Variants in ATP11A observed in about 807,000 individuals in gnomAD.
ATP11A encodes phospholipid-transporting ATPase IH.
A neutral mutation model predicts 154.4 loss-of-function variants in ATP11A; 81 were observed. The ratio of observed to expected loss-of-function variants is 0.52; its 90% CI spans 0.44 to 0.63. The LOEUF (loss-of-function observed/expected upper bound fraction) is 0.63. Among genes scored for constraint, ATP11A ranks in the 30% least tolerant of loss-of-function variants. The pLI is 0.00. For missense variants in ATP11A, 1,316 were observed against 1,474.3 expected, an observed-to-expected ratio of 0.89 and a Z score of 1.76; for synonymous variants, 623 against 585.9, an observed-to-expected ratio of 1.06 and a Z score of -0.91.
chr13:112,810,589 C>A, intron 4 of ATP11A, 30 bp from the exon 5 acceptor site: 1 of 1,580,638 alleles, frequency 6.3e-7, no homozygotes, highest in South Asian at 1.1e-5. Context: ...TCCCTGCTTC[C>A]TCTCTCCCTT....
chr13:112,833,234 G>A (rs975868830), intron 14 of ATP11A, among the ~76,000 whole-genome samples: 10 of 152,110 alleles, frequency 6.6e-5, no homozygotes, highest in Non-Finnish European at 1.3e-4. Context: ...CCCGGCGCGT[G>A]AGTCTTCATC....
chr13:112,863,037 G>A (rs9549306), intron 25 of ATP11A, among the ~76,000 whole-genome samples: 41,493 of 74,648 alleles, frequency 0.56, 10,513 homozygotes, highest in Middle Eastern at 0.69. Flanking sequence ...CTGTGCAGTA[G>A]TTCAGTGCGG....
rs551580676 is a variant in ATP11A, at chr13:112,711,396, CAGG to C, written c.39+20944_39+20946del. ...GTGGGAGGATCAGATCCCCTGAGCC[CAGG>C]AGTTCGAAGCCAACCTGGGCAACAT... On this transcript the variant is annotated intron_variant, in intron 1 of 29. Coordinates refer to ENST00000375645, the MANE Select transcript of ATP11A (RefSeq NM_015205.3). Among the ~76,000 whole-genome samples the C allele has an allele frequency of 5.5e-4, 84 of 152,120 alleles. No homozygotes were observed. In the South Asian group the frequency reaches 0.011, roughly 20 times the overall value.
intron 1 of ATP11A, among the ~76,000 whole-genome samples, chr13:112,764,775 A>G (rs1445119152): frequency 1.3e-5 from 2 of 152,120 alleles, no homozygotes; most frequent in South Asian, 4.1e-4. Context: ...TTCACACTGG[A>G]TGGCTACTGA....
intron 1 of ATP11A, among the ~76,000 whole-genome samples, chr13:112,722,919 C>CA (rs1889366364): frequency 6.6e-6 from 1 of 152,098 alleles, no homozygotes; most frequent in African/African-American, 2.4e-5. Flanking sequence ...TAGGCGGATT[C>CA]AGAAATGCTT....
At chr13:112,692,562 C>T (rs977973296) in intron 1 of ATP11A, among the ~76,000 whole-genome samples, 26 of 152,332 alleles carry the variant, frequency 1.7e-4, no homozygotes, top group African/African-American at 5.8e-4. Flanking sequence ...CTTATGGCAT[C>T]ACATTTTCTT....
At chr13:112,703,294 A>G (rs1327830956) in intron 1 of ATP11A, 1 of 152,170 alleles carries the variant, frequency 6.6e-6, no homozygotes, top group Non-Finnish European at 1.5e-5. Context: ...TCGTAACCAC[A>G]CACCAATCCT....
intron 1 of ATP11A, among the ~76,000 whole-genome samples, chr13:112,709,428 C>T (rs1887499064): frequency 6.6e-6 from 1 of 152,156 alleles, no homozygotes; most frequent in Non-Finnish European, 1.5e-5. Context: ...TCCTTCTTTC[C>T]TTTCCAGGTC....
chr13:112,712,851 G>A (rs115865994), intron 1 of ATP11A, among the ~76,000 whole-genome samples: 78 of 152,374 alleles, frequency 5.1e-4, no homozygotes, highest in African/African-American at 1.8e-3. Context: ...AGGGGAGGTT[G>A]TGTCTCTGGT....
intron 1 of ATP11A, among the ~76,000 whole-genome samples, chr13:112,772,098 A>AT (rs949575909): frequency 2.6e-5 from 4 of 151,948 alleles, no homozygotes; most frequent in African/African-American, 9.7e-5. Flanking sequence ...ATACTGTCCT[A>AT]TTTTTTTTAA....
intron 4 of ATP11A, among the ~76,000 whole-genome samples, chr13:112,806,597 T>C (rs2078328886): frequency 6.6e-6 from 1 of 152,194 alleles, no homozygotes; most frequent in Non-Finnish European, 1.5e-5. Flanking sequence ...TTGACTGTCT[T>C]GACCACCACA....
intron 1 of ATP11A, among the ~76,000 whole-genome samples, chr13:112,711,150 C>T (rs1450982967): frequency 1.3e-5 from 2 of 152,154 alleles, no homozygotes; most frequent in Non-Finnish European, 2.9e-5. Context: ...GCAGCTGGGC[C>T]GCGTGCGGCT....
chr13:112,692,925 C>T (rs981796946), intron 1 of ATP11A, among the ~76,000 whole-genome samples: 4 of 152,122 alleles, frequency 2.6e-5, no homozygotes, highest in East Asian at 1.9e-4. Flanking sequence ...TCATGGTTTC[C>T]TTATGTGACT....
chr13:112,744,996 G>A (rs1288604970), intron 1 of ATP11A, among the ~76,000 whole-genome samples: 1 of 152,220 alleles, frequency 6.6e-6, no homozygotes, highest in Non-Finnish European at 1.5e-5. Context: ...GGATTTTACT[G>A]ATGGGGTAAT....
chr13:112,826,655 C>T (rs1438211706), intron 11 of ATP11A, 39 bp from the exon 12 acceptor site: 1 of 1,582,046 alleles, frequency 6.3e-7, no homozygotes, highest in Non-Finnish European at 8.7e-7. Flanking sequence ...TGCTGTCCCT[C>T]CTGGTGGAGG....
chr13:112,752,178 C>G (rs1395013423), intron 1 of ATP11A, among the ~76,000 whole-genome samples: 1 of 152,186 alleles, frequency 6.6e-6, no homozygotes, highest in African/African-American at 2.4e-5. Flanking sequence ...AATGGCCTGC[C>G]TCGTTTCAAG....
intron 1 of ATP11A, among the ~76,000 whole-genome samples, chr13:112,731,507 G>A (rs967798189): frequency 6.6e-6 from 1 of 152,100 alleles, no homozygotes; most frequent in Non-Finnish European, 1.5e-5. Flanking sequence ...TCAATTGCAC[G>A]GCACTCACTA....
chr13:112,715,008 G>A lies in ATP11A; in HGVS notation c.39+24553G>A, dbSNP rs563975098. On this transcript the variant is annotated intron_variant, in intron 1 of 29. Transcript: ENST00000375645. ...TCTCTAGGTATTTGTCAGCTCAAATGAGTGACTCACACAGGATTTGTCCTT... is the reference window on the plus strand; with the variant it reads ...TCTCTAGGTATTTGTCAGCTCAAATAAGTGACTCACACAGGATTTGTCCTT... 2.0e-5 allele frequency among the ~76,000 whole-genome samples: 3 copies of A among 152,254 alleles called. No homozygotes were observed. The South Asian group carries it at 6.2e-4, about 32-fold the overall frequency.
At chr13:112,865,432 G>A (rs2140386671) in intron 25 of ATP11A, among the ~76,000 whole-genome samples, 1 of 152,172 alleles carries the variant, frequency 6.6e-6, no homozygotes, top group South Asian at 2.1e-4. Context: ...TGCAGGCCAT[G>A]CAGCTTCTCA....
Sources: allele counts gnomAD v4.1 joint callset (sites outside exome capture counted in the v4.1 genomes callset), GRCh38; gene constraint gnomAD v4.1.1; transcripts MANE v1.5; gene names NCBI Gene and HGNC (gene_info 2026-07-23, HGNC 2026-07-21).